LINGO2: variants seen among roughly 807,000 people sequenced by gnomAD.
The protein encoded by LINGO2 is leucine rich repeat and Ig domain containing 2.
Under a neutral mutation model 30.6 loss-of-function variants are expected in LINGO2, and 14 were observed. The ratio of observed to expected loss-of-function variants is 0.46; its 90% confidence interval spans 0.30 to 0.72. The LOEUF (loss-of-function observed/expected upper bound fraction) is 0.72. Among genes scored for constraint, LINGO2 ranks in the 30% least tolerant of loss-of-function variants. The pLI, the probability that LINGO2 is intolerant of heterozygous loss-of-function variation, is 0.07. For missense variants in LINGO2, 729 were observed against 751.7 expected (o/e 0.97, Z 0.35); for synonymous variants, 317 against 288.5 (o/e 1.10, Z -1.00).
the LINGO2 span, among the ~76,000 whole-genome samples, chr9:29,080,741 T>C: frequency 6.6e-6 from 1 of 152,222 alleles, no homozygotes; most frequent in East Asian, 1.9e-4. Context: ...AGTTTCCATG[T>C]AGTTGAGCGG....
At chr9:29,003,466 A>C in the LINGO2 span, among the ~76,000 whole-genome samples, 1 of 152,002 alleles carries the variant, frequency 6.6e-6, no homozygotes, top group Non-Finnish European at 1.5e-5. Context: ...CAGACAGACC[A>C]CTAGAGGACT....
At chr9:28,371,021 T>C (rs796937400) in intron 3 of LINGO2, among the ~76,000 whole-genome samples, 20 of 152,302 alleles carry the variant, frequency 1.3e-4, no homozygotes, top group African/African-American at 4.3e-4. Context: ...TGCACGTAAA[T>C]GGAAGCATGA....
chr9:28,420,365 C>T lies in LINGO2; in HGVS notation c.-278-47497G>A, dbSNP rs542902636. The stretch of plus-strand genomic sequence containing the variant: ...ATGCCATTTATAGTGAATAGAGGAA[C>T]ATTCCTTCATGGTTATATAGTTTTT... On this transcript the variant is annotated intron_variant, in intron 2 of 5. Transcript: ENST00000379992. Among the ~76,000 whole-genome samples, 29 of 152,052 alleles carry T rather than the reference C, an allele frequency of 1.9e-4. 1 individual carries two copies. The South Asian group carries it at 5.8e-3, about 31-fold the overall frequency.
At chr9:28,319,430 T>A (rs1422827807) in intron 3 of LINGO2, among the ~76,000 whole-genome samples, 4 of 152,178 alleles carry the variant, frequency 2.6e-5, no homozygotes, top group Non-Finnish European at 4.4e-5. Flanking sequence ...AGATTCCAAA[T>A]CTTAATTGTA....
At chr9:28,047,909 G>T (rs1285399273) in intron 4 of LINGO2, among the ~76,000 whole-genome samples, 1 of 150,770 alleles carries the variant, frequency 6.6e-6, no homozygotes, top group Non-Finnish European at 1.5e-5. Context: ...GAAATTTACA[G>T]ATTTAGTGCA....
the LINGO2 span, among the ~76,000 whole-genome samples, chr9:28,979,443 C>T: frequency 6.6e-6 from 1 of 152,092 alleles, no homozygotes; most frequent in Non-Finnish European, 1.5e-5. Flanking sequence ...CTTCAATATA[C>T]ACTCATGTCC....
chr9:28,432,646 T>G (rs1277750705), intron 2 of LINGO2, among the ~76,000 whole-genome samples: 3 of 152,278 alleles, frequency 2.0e-5, no homozygotes, highest in East Asian at 3.9e-4. Flanking sequence ...ACAGTCTGAA[T>G]GCTTTCAGAT....
the LINGO2 span, among the ~76,000 whole-genome samples, chr9:29,123,180 A>G: frequency 6.6e-6 from 1 of 152,080 alleles, no homozygotes; most frequent in Non-Finnish European, 1.5e-5. Flanking sequence ...ATTTCTCACT[A>G]GACTACACCA....
intron 1 of LINGO2, among the ~76,000 whole-genome samples, chr9:28,596,886 AT>A (rs1462868929): frequency 3.9e-5 from 6 of 152,162 alleles, no homozygotes; most frequent in Non-Finnish European, 4.4e-5. Context: ...TGCCTGTCTT[AT>A]CCAGGCACCC....
At chr9:28,498,777 T>C (rs894108571) in intron 1 of LINGO2, among the ~76,000 whole-genome samples, 1 of 152,124 alleles carries the variant, frequency 6.6e-6, no homozygotes, top group Non-Finnish European at 1.5e-5. Flanking sequence ...CTGTAGCTGT[T>C]CCTATTCGGC....
At chr9:29,075,737 C>T in the LINGO2 span, among the ~76,000 whole-genome samples, 3 of 151,980 alleles carry the variant, frequency 2.0e-5, no homozygotes, top group African/African-American at 7.3e-5. Flanking sequence ...TATAAGGGCA[C>T]TGAGTTAGCA....
chr9:28,945,928 C>T, the LINGO2 span, among the ~76,000 whole-genome samples: 2 of 152,156 alleles, frequency 1.3e-5, no homozygotes, highest in African/African-American at 2.4e-5. Context: ...GGCTTCCTTT[C>T]ACCTCCTCCC....
chr9:28,184,988 T>G (rs576810718), intron 4 of LINGO2, among the ~76,000 whole-genome samples: 2 of 152,152 alleles, frequency 1.3e-5, no homozygotes, highest in African/African-American at 4.8e-5. Context: ...TTCCAAAACT[T>G]CAGAGCAACA....
the LINGO2 span, among the ~76,000 whole-genome samples, chr9:28,859,154 GT>G: frequency 6.6e-6 from 1 of 151,964 alleles, no homozygotes; most frequent in Non-Finnish European, 1.5e-5. Context: ...AGAATTTAAA[GT>G]TTTTTACTTT....
intron 3 of LINGO2, among the ~76,000 whole-genome samples, chr9:28,314,657 G>T (rs1255732987): frequency 6.6e-6 from 1 of 152,110 alleles, no homozygotes; most frequent in East Asian, 1.9e-4. Flanking sequence ...TTAAAAATCT[G>T]AATTTACATA....
chr9:28,602,996 C>G (rs189184738), intron 1 of LINGO2, among the ~76,000 whole-genome samples: 1 of 152,108 alleles, frequency 6.6e-6, no homozygotes, highest in Admixed American at 6.6e-5. Flanking sequence ...AATTTAGGTC[C>G]AGCACACTTT....
At chr9:28,859,709 A>G in the LINGO2 span, among the ~76,000 whole-genome samples, 3 of 152,152 alleles carry the variant, frequency 2.0e-5, no homozygotes, top group East Asian at 5.8e-4. Flanking sequence ...AATGTTTTAA[A>G]TATGAATATT....
intron 3 of LINGO2, among the ~76,000 whole-genome samples, chr9:28,308,913 A>G (rs1182173647): frequency 6.6e-6 from 1 of 152,230 alleles, no homozygotes; most frequent in Non-Finnish European, 1.5e-5. Context: ...AATGGCATTC[A>G]TTAAAAAGTC....
chr9:28,911,700 T>C, the LINGO2 span, among the ~76,000 whole-genome samples: 1 of 152,104 alleles, frequency 6.6e-6, no homozygotes, highest in Non-Finnish European at 1.5e-5. Context: ...CAGAATGTTG[T>C]TCTTCTAAAA....
Sources: gnomAD v4.1 joint callset for allele counts (sites outside exome capture counted in the v4.1 genomes callset) on GRCh38, gnomAD v4.1.1 for gene constraint, MANE v1.5 for transcripts, NCBI Gene and HGNC (gene_info 2026-07-23, HGNC 2026-07-21) for gene names.